The following NT5DC1 variants were observed in gnomAD, a reference collection of about 807,000 sequenced individuals.
The protein encoded by NT5DC1 is 5'-nucleotidase domain-containing protein 1.
NT5DC1 carries 42 observed loss-of-function variants against 59.4 expected under a neutral mutation model. That is an observed-to-expected ratio of 0.71 (90% CI 0.55 to 0.92). The LOEUF (loss-of-function observed/expected upper bound fraction) is 0.92, where lower values mean the gene tolerates loss of function less well. NT5DC1 is among the 40% of genes least tolerant of loss of function. The pLI is 0.00. For synonymous variants in NT5DC1, 172 were observed against 188.1 expected, an observed-to-expected ratio of 0.91 and a Z score of 0.70; for missense variants, 501 against 537.1, an observed-to-expected ratio of 0.93 and a Z score of 0.66.
rs78479110 is a variant in NT5DC1, at chr6:116,211,951, C to T, written c.530-9103C>T. ...AAAGAGTATTGGGGTTTCATTCACG[C>T]AGTGAGGCCTGTGTATGGATTTTAG... On this transcript the variant is annotated intron_variant, in intron 6 of 11. Transcript: ENST00000319550. Among the ~76,000 whole-genome samples, 576 of 152,046 alleles carry T rather than the reference C, an allele frequency of 3.8e-3. 3 individuals are homozygous for T. Among genetic ancestry groups the T allele is most frequent in the African/African-American group, 0.013 (524 of 41,506 alleles).
chr6:116,127,224 GT>G (rs768453072), intron 6 of NT5DC1, among the ~76,000 whole-genome samples: 2 of 152,122 alleles, frequency 1.3e-5, no homozygotes, highest in African/African-American at 2.4e-5. Flanking sequence ...AGTTTGACCA[GT>G]GAATGAACTA....
At chr6:116,229,432 G>A (rs1470196912) in intron 8 of NT5DC1, among the ~76,000 whole-genome samples, 2 of 152,186 alleles carry the variant, frequency 1.3e-5, no homozygotes, top group African/African-American at 4.8e-5. Flanking sequence ...TTAGCGAGTC[G>A]CACAGGTTTG....
At chr6:116,187,620 G>A (rs11754669) in intron 6 of NT5DC1, among the ~76,000 whole-genome samples, 6,958 of 152,144 alleles carry the variant, frequency 0.046, 178 homozygotes, top group Non-Finnish European at 0.059. Flanking sequence ...GTGGGGAAAG[G>A]ACTGTCATAA....
At chr6:116,115,650 G>A in intron 4 of NT5DC1, 41 bp from the exon 5 acceptor site, 1 of 949,802 alleles carries the variant, frequency 1.1e-6, no homozygotes, top group Non-Finnish European at 1.7e-6. Flanking sequence ...CATGCATGCA[G>A]CATTATGTTG....
At chr6:116,154,508 TA>T (rs1423288587) in intron 6 of NT5DC1, among the ~76,000 whole-genome samples, 1 of 152,182 alleles carries the variant, frequency 6.6e-6, no homozygotes, top group Non-Finnish European at 1.5e-5. Context: ...AACCTTAATT[TA>T]AGTCTTCCAA....
rs1313834207 is a variant in NT5DC1 at position 116,240,752 on chromosome 6, A to G, written c.1252+1629A>G. On this transcript the variant is annotated intron_variant, in intron 11 of 11. Coordinates refer to ENST00000319550, the MANE Select transcript of NT5DC1 (RefSeq NM_152729.3). ...ACATCTGACTTATCAGAAACAGAGG[A>G]GAGTCAAAGACAATAGAATGATAGC... Among the ~76,000 whole-genome samples, 3 of 152,254 alleles carry G rather than the reference A, an allele frequency of 2.0e-5. No individual in the cohort carries two copies. In the East Asian group the frequency reaches 5.8e-4, roughly 29 times the overall value.
chr6:116,187,384 G>A (rs1781023546), intron 6 of NT5DC1, among the ~76,000 whole-genome samples: 1 of 152,068 alleles, frequency 6.6e-6, no homozygotes, highest in African/African-American at 2.4e-5. Context: ...ATATGGAAAT[G>A]AAAAGGGCCA....
chr6:116,181,602 T>C (rs984609779), intron 6 of NT5DC1, among the ~76,000 whole-genome samples: 4 of 152,078 alleles, frequency 2.6e-5, no homozygotes, highest in Non-Finnish European at 5.9e-5. Flanking sequence ...TTGTCACCAC[T>C]TTTTTTCATT....
chr6:116,155,914 G>A (rs772311455), intron 6 of NT5DC1, among the ~76,000 whole-genome samples: 13 of 151,978 alleles, frequency 8.6e-5, no homozygotes, highest in Non-Finnish European at 8.8e-5. Flanking sequence ...AAAAACAATG[G>A]GAGAATTTAC....
intron 6 of NT5DC1, chr6:116,125,197 A>G: frequency 2.4e-6 from 2 of 843,510 alleles, no homozygotes; most frequent in Non-Finnish European, 3.7e-6. Flanking sequence ...TTTTTCACAG[A>G]TCACTTTGTT....
intron 6 of NT5DC1, among the ~76,000 whole-genome samples, chr6:116,209,583 G>A (rs1781530945): frequency 6.6e-6 from 1 of 151,972 alleles, no homozygotes; most frequent in Non-Finnish European, 1.5e-5. Flanking sequence ...GCTCCTCATA[G>A]AAGGTAACCT....
At chr6:116,241,370 A>G (rs762886332) in intron 11 of NT5DC1, among the ~76,000 whole-genome samples, 3 of 152,204 alleles carry the variant, frequency 2.0e-5, no homozygotes, top group Non-Finnish European at 4.4e-5. Flanking sequence ...TTAAAGTCCC[A>G]TGGGATTTAC....
intron 6 of NT5DC1, among the ~76,000 whole-genome samples, chr6:116,135,970 G>A (rs1029580414): frequency 1.9e-4 from 29 of 150,986 alleles, no homozygotes; most frequent in East Asian, 3.9e-4. Flanking sequence ...CTCTTTTAGC[G>A]TATTTTAAGT....
chr6:116,243,790 AG>A (rs1408472380), intron 11 of NT5DC1, 118 bp from the exon 12 acceptor site: 1 of 538,026 alleles, frequency 1.9e-6, no homozygotes, highest in African/African-American at 1.9e-5. Flanking sequence ...AAGGAGCAAA[AG>A]AAATATTAAA....
intron 6 of NT5DC1, 192 bp downstream of exon 6, chr6:116,118,137 T>G (rs925493160): frequency 3.2e-6 from 2 of 615,812 alleles, no homozygotes; most frequent in Non-Finnish European, 5.9e-6. Context: ...TGGCTATAAT[T>G]GCCCATATTC....
At chr6:116,197,819 T>C (rs550846319) in intron 6 of NT5DC1, among the ~76,000 whole-genome samples, 1 of 152,206 alleles carries the variant, frequency 6.6e-6, no homozygotes, top group African/African-American at 2.4e-5. Flanking sequence ...CATTTCTTCT[T>C]TATGTTTGCT....
chr6:116,209,385 T>C (rs531439500), intron 6 of NT5DC1, among the ~76,000 whole-genome samples: 7 of 152,134 alleles, frequency 4.6e-5, no homozygotes, highest in Admixed American at 2.6e-4. Context: ...CTTACTTCTG[T>C]AGTTAGGAAT....
intron 6 of NT5DC1, among the ~76,000 whole-genome samples, chr6:116,206,222 T>A (rs1781446653): frequency 6.6e-6 from 1 of 152,016 alleles, no homozygotes; most frequent in Non-Finnish European, 1.5e-5. Flanking sequence ...TCGTGGTTAA[T>A]CAACTGCCTG....
chr6:116,228,960 T>G (rs894582402), intron 8 of NT5DC1, among the ~76,000 whole-genome samples: 7 of 152,198 alleles, frequency 4.6e-5, no homozygotes, highest in African/African-American at 1.7e-4. Context: ...TGACATTTCC[T>G]TGTCTCTGGG....
Sources: allele counts gnomAD v4.1 joint callset (sites outside exome capture counted in the v4.1 genomes callset), GRCh38; gene constraint gnomAD v4.1.1; transcripts MANE v1.5; gene names NCBI Gene and HGNC (gene_info 2026-07-23, HGNC 2026-07-21).